Variants in GNG2 observed in about 807,000 individuals in gnomAD.
GNG2 encodes G protein subunit gamma 2, also known as guanine nucleotide-binding protein G(I)/G(S)/G(O) subunit gamma-2.
GNG2 carries 5 observed loss-of-function variants against 5.5 expected under a neutral mutation model. The observed-to-expected ratio is 0.91, with a 90% CI of 0.48 to 1.92. The LOEUF (loss-of-function observed/expected upper bound fraction) is 1.92. GNG2 is among the 30% of genes most tolerant of loss of function. The pLI is 0.01. For missense variants in GNG2, 55 were observed against 88.4 expected, an observed-to-expected ratio of 0.62 and a Z score of 1.52; for synonymous variants, 28 against 32.0, an observed-to-expected ratio of 0.88 and a Z score of 0.42.
intron 2 of GNG2, among the ~76,000 whole-genome samples, chr14:51,930,746 G>T (rs1294731161): frequency 6.6e-6 from 1 of 152,208 alleles, no homozygotes; most frequent in Non-Finnish European, 1.5e-5. Context: ...CTGTAAGGAA[G>T]CATGGTGCCA....
At chr14:51,903,653 C>T (rs1349575372) in intron 2 of GNG2, among the ~76,000 whole-genome samples, 2 of 152,184 alleles carry the variant, frequency 1.3e-5, no homozygotes, top group Admixed American at 1.3e-4. Context: ...TTTTTCAATT[C>T]TCTTTTTTTC....
intron 2 of GNG2, among the ~76,000 whole-genome samples, chr14:51,949,450 G>A (rs913209525): frequency 1.3e-5 from 2 of 152,130 alleles, no homozygotes; most frequent in Non-Finnish European, 2.9e-5. Flanking sequence ...GGTTTTCTGT[G>A]TGTTCTTTTT....
chr14:51,914,330 C>T, intron 2 of GNG2: 1 of 700,648 alleles, frequency 1.4e-6, no homozygotes, highest in Admixed American at 2.0e-5. Flanking sequence ...GAAAGAAAAA[C>T]TGATGAAGAA....
intron 2 of GNG2, among the ~76,000 whole-genome samples, chr14:51,915,520 G>T (rs1318614866): frequency 6.6e-6 from 1 of 152,170 alleles, no homozygotes; most frequent in Admixed American, 6.5e-5. Context: ...CGAATTTGGG[G>T]TAAATGGAAA....
chr14:51,925,347 GA>G (rs1315252921), intron 2 of GNG2, among the ~76,000 whole-genome samples: 3 of 152,110 alleles, frequency 2.0e-5, no homozygotes, highest in African/African-American at 7.2e-5. Flanking sequence ...TTTTACAGTT[GA>G]AAAACTGAGA....
chr14:51,916,318 T>A (rs892018883), intron 2 of GNG2: 1 of 341,928 alleles, frequency 2.9e-6, no homozygotes, highest in African/African-American at 2.2e-5. Flanking sequence ...CTGGAACACA[T>A]CCATTATTTG....
intron 2 of GNG2, among the ~76,000 whole-genome samples, chr14:51,942,589 C>CTTTCTTTCTTTCTTTCTTTTTTT (rs761049973): frequency 1.2e-5 from 1 of 81,146 alleles, no homozygotes; most frequent in African/African-American, 5.9e-5. Flanking sequence ...TTCTTTCTTT[C>CTTTCTTTCTTTCTTTCTTTTTTT]TTTTTTTTTT....
intron 2 of GNG2, among the ~76,000 whole-genome samples, chr14:51,835,464 G>C (rs1881304851): frequency 6.6e-6 from 1 of 152,182 alleles, no homozygotes; most frequent in Non-Finnish European, 1.5e-5. Context: ...TTTGCAAACT[G>C]TCTTCCCCAG....
chr14:51,880,695 G>T (rs1400851283), intron 2 of GNG2, among the ~76,000 whole-genome samples: 1 of 152,142 alleles, frequency 6.6e-6, no homozygotes, highest in East Asian at 1.9e-4. Context: ...TGCCAAGACA[G>T]GGCTTTCCTG....
intron 2 of GNG2, among the ~76,000 whole-genome samples, chr14:51,896,951 A>G (rs1885231980): frequency 6.6e-6 from 1 of 152,244 alleles, no homozygotes; most frequent in South Asian, 2.1e-4. Flanking sequence ...GAATATATGA[A>G]TTATATAATG....
intron 2 of GNG2, among the ~76,000 whole-genome samples, chr14:51,932,435 C>G (rs1019391514): frequency 6.6e-6 from 1 of 151,894 alleles, no homozygotes; most frequent in Non-Finnish European, 1.5e-5. Context: ...TATGAGTTAT[C>G]TAAAATAGTC....
intron 2 of GNG2, among the ~76,000 whole-genome samples, chr14:51,946,007 G>A (rs1032529409): frequency 1.1e-4 from 16 of 152,140 alleles, no homozygotes; most frequent in Non-Finnish European, 1.8e-4. Context: ...ATCACTTGGC[G>A]TTTCAGGAAA....
intron 1 of GNG2, among the ~76,000 whole-genome samples, chr14:51,865,945 C>T (rs1419900414): frequency 8.5e-5 from 3 of 35,496 alleles, no homozygotes; most frequent in African/African-American, 3.0e-4. Context: ...CTTCATTAAA[C>T]ACTGAAAAAA....
At chr14:51,844,172 A>G (rs1203815391) in intron 2 of GNG2, among the ~76,000 whole-genome samples, 1 of 152,182 alleles carries the variant, frequency 6.6e-6, no homozygotes, top group African/African-American at 2.4e-5. Context: ...TTATCTTGCA[A>G]ATGGCTGCTA....
At chr14:51,930,600 T>C (rs749396863) in intron 2 of GNG2, among the ~76,000 whole-genome samples, 1 of 152,192 alleles carries the variant, frequency 6.6e-6, no homozygotes, top group Non-Finnish European at 1.5e-5. Context: ...AAAGATACAA[T>C]ATGAGTCCTT....
intron 2 of GNG2, among the ~76,000 whole-genome samples, chr14:51,927,169 TG>T (rs1360367521): frequency 1.5e-4 from 1 of 6,604 alleles, no homozygotes; most frequent in Non-Finnish European, 3.9e-4. Flanking sequence ...TCAGGTCTTT[TG>T]AGGTCTCCTG....
chr14:51,880,967 GAAAAA>G (rs11463019), intron 2 of GNG2, among the ~76,000 whole-genome samples: 10 of 101,984 alleles, frequency 9.8e-5, no homozygotes, highest in Non-Finnish European at 1.7e-4. Context: ...CAAAAAAAAA[GAAAAA>G]AAAAAAAAAA....
intron 3 of GNG2, among the ~76,000 whole-genome samples, chr14:51,956,779 C>A (rs1225285882): frequency 6.6e-6 from 1 of 152,130 alleles, no homozygotes; most frequent in Non-Finnish European, 1.5e-5. Context: ...TGATGGCTTG[C>A]AAGCATTTTG....
intron 1 of GNG2, among the ~76,000 whole-genome samples, chr14:51,875,581 T>C (rs1179825416): frequency 6.6e-6 from 1 of 152,064 alleles, no homozygotes; most frequent in East Asian, 1.9e-4. Context: ...CCAGTCTTTA[T>C]GTATCAGAAA....
Sources: allele counts gnomAD v4.1 joint callset (sites outside exome capture counted in the v4.1 genomes callset), GRCh38; gene constraint gnomAD v4.1.1; transcripts MANE v1.5; gene names NCBI Gene and HGNC (gene_info 2026-07-23, HGNC 2026-07-21).